EIF2AK1: variants seen among roughly 807,000 people sequenced by gnomAD.
The protein encoded by EIF2AK1 is eukaryotic translation initiation factor 2-alpha kinase 1.
EIF2AK1 carries 54 observed loss-of-function variants against 77.9 expected under a neutral mutation model. That is an observed-to-expected ratio of 0.69 (90% CI 0.56 to 0.87). EIF2AK1 has a LOEUF of 0.87. Ranked by LOEUF, EIF2AK1 falls within the 40% of genes least tolerant of loss-of-function variation. The pLI, the probability that EIF2AK1 is intolerant of heterozygous loss-of-function variation, is 0.00. For missense variants in EIF2AK1, 810 were observed against 768.6 expected, an observed-to-expected ratio of 1.05 and a Z score of -0.64; for synonymous variants, 314 against 290.5, an observed-to-expected ratio of 1.08 and a Z score of -0.82.
rs989620659 is a variant in EIF2AK1 at position 6,024,682 on chromosome 7, G to A, written c.1884C>T (p.Gly628=). Reference sequence around the variant, plus strand: ...AAAGTTAAGTCCACTTTCATCCCACGCCCCCATCCTTTCCGTCATCCCTCA... The same window carrying A: ...AAAGTTAAGTCCACTTTCATCCCACACCCCCATCCTTTCCGTCATCCCTCA... ...KGVRDDGKDG[G]VG The change falls in exon 15 of 15, where the codon GGC becomes GGT. Residue 628 remains glycine, a synonymous_variant. Coordinates refer to ENST00000199389, the MANE Select transcript of EIF2AK1 (RefSeq NM_014413.4). 12 of 1,613,088 alleles carry A rather than the reference G, an allele frequency of 7.4e-6. No homozygotes were observed. Among genetic ancestry groups the A allele is most frequent in the South Asian group, 2.2e-5 (2 of 90,952 alleles).
chr7:6,026,633 C>T, intron 14 of EIF2AK1, 95 bp downstream of exon 14: 2 of 980,190 alleles, frequency 2.0e-6, no homozygotes, highest in African/African-American at 1.6e-5. Context: ...TCTTCCAGCC[C>T]CAGCCTCCGG....
chr7:6,024,551 C>A lies in EIF2AK1; in HGVS notation c.*122G>T, dbSNP rs1335013492. The stretch of plus-strand genomic sequence containing the variant: ...GGAAGGAACGGCAGCTTGGGGCACT[C>A]TGACATCTTTAACAAGTCTTGTAAA... On this transcript the variant is annotated 3_prime_UTR_variant, in exon 15 of 15. Transcript: ENST00000199389. 1.3e-6 allele frequency: 2 copies of A among 1,514,612 alleles called. No individual in the cohort carries two copies. The highest frequency in any genetic ancestry group is 2.8e-5 in the African/African-American group (2 of 70,910). The allele number at this position is 1,514,612 out of a possible 1,614,324, so 93.8% of individuals were successfully genotyped here.
intron 13 of EIF2AK1, chr7:6,028,017 G>T (rs1180005650): frequency 2.2e-6 from 1 of 451,422 alleles, no homozygotes; most frequent in Non-Finnish European, 4.4e-6. Flanking sequence ...GAGCTATGAT[G>T]ACACCACTGC....
At position 6,054,657 on chromosome 7, in the gene EIF2AK1, G is replaced by C; in HGVS notation, c.166C>G (p.Gln56Glu). 6.2e-7 allele frequency: 1 copy of C among 1,614,190 alleles called. No homozygotes were observed. Residue 56 changes from glutamine to glutamate, a missense_variant, in exon 2 of 15, where the codon CAG becomes GAG. Transcript: ENST00000199389. Reference sequence around the variant, plus strand: ...GCAACTGCAAAAGGGAAGGTTGGCTGTTGTAGGGGTTCTTTTAACACCTGG... The same window carrying C: ...GCAACTGCAAAAGGGAAGGTTGGCTCTTGTAGGGGTTCTTTTAACACCTGG... ...EIQVLKEPLQQPTFPFAVANQ... is the reference protein window; with the variant it reads ...EIQVLKEPLQEPTFPFAVANQ...
Position 6,035,918 on chromosome 7 carries a change from G to T in EIF2AK1, c.1332+1506C>A. 6.5e-7 allele frequency: 1 copy of T among 1,547,292 alleles called. No individual in the cohort carries two copies. Among genetic ancestry groups the T allele is most frequent in the Non-Finnish European group, 8.7e-7 (1 of 1,144,910 alleles). ...GGGCGGGGGTCAGCTGCATCCGTCT[G>T]CTACTCACTCACGGAGCCAAAGTCA... On this transcript the variant is annotated intron_variant, in intron 11 of 14. Coordinates refer to ENST00000199389, the MANE Select transcript of EIF2AK1 (RefSeq NM_014413.4). This position sits in a 1 kb window ranked among gnomAD's most constrained non-coding sequence, Gnocchi z 5.5.
Position 6,032,784 on chromosome 7 carries a change from CA to C in EIF2AK1, c.1333-3753del. On this transcript the variant is annotated intron_variant, in intron 11 of 14. Transcript: ENST00000199389. The surrounding 1 kb of genome is among the most constrained non-coding windows in gnomAD (Gnocchi z 4.3). ...CTTTGAAACGGCAAGCTAACACAAA[CA>C]GTATTTTTAACTACACAGGGCCACT... 7.1e-7 allele frequency: 1 copy of C among 1,402,494 alleles called. No homozygotes were observed. Among genetic ancestry groups the C allele is most frequent in the Non-Finnish European group, 9.8e-7 (1 of 1,016,990 alleles). 86.9% of individuals were successfully genotyped at this position (1,402,494 alleles called of 1,614,324 possible).
chr7:6,032,462 C>T lies in EIF2AK1; in HGVS notation c.1333-3430G>A, dbSNP rs111446081. Among the ~76,000 whole-genome samples the T allele has an allele frequency of 9.6e-3, 1,456 of 152,288 alleles. 30 individuals are homozygous for T. The highest frequency in any genetic ancestry group is 0.033 in the African/African-American group (1,364 of 41,550). On this transcript the variant is annotated intron_variant, in intron 11 of 14. Transcript: ENST00000199389. This position sits in a 1 kb window ranked among gnomAD's most constrained non-coding sequence, Gnocchi z 4.3. The stretch of plus-strand genomic sequence containing the variant: ...ACTGCTGATAATACGACTTTGGCAA[C>T]GACACAGCACCTACTTGTCCATCAC...
intron 11 of EIF2AK1, chr7:6,031,640 A>G (rs1787916254): frequency 1.3e-6 from 2 of 1,530,986 alleles, no homozygotes; most frequent in Non-Finnish European, 1.8e-6. Flanking sequence ...CAGGCTGCTT[A>G]GAAAGAAGCA....
chr7:6,058,027 T>A (rs76480166), intron 1 of EIF2AK1: 1 of 399,450 alleles, frequency 2.5e-6, no homozygotes, highest in East Asian at 7.4e-5. Flanking sequence ...GTGGACTCTT[T>A]CACCTAGTTA....
Position 6,024,373 on chromosome 7 carries a change from C to T in EIF2AK1, c.*300G>A, listed in dbSNP as rs954063327. ...GGCAGGGAGCACACATCAATTTCTG[C>T]GGTACCTTCTAGAGGAAGACCAGAC... is the stretch of plus-strand genomic sequence containing the variant. On this transcript the variant is annotated 3_prime_UTR_variant, in exon 15 of 15. Coordinates refer to ENST00000199389, the MANE Select transcript of EIF2AK1 (RefSeq NM_014413.4). 8.0e-6 allele frequency: 8 copies of T among 1,005,438 alleles called. No homozygotes were observed. In the African/African-American group the frequency reaches 9.2e-5, roughly 12 times the overall value. 62.3% of individuals were successfully genotyped at this position (1,005,438 alleles called of 1,614,324 possible). A position where few individuals can be genotyped will look rare whatever the true frequency, so the allele number is the denominator to read the frequency against.
At chr7:6,026,353 C>G (rs1787745277) in intron 14 of EIF2AK1, 2 of 444,868 alleles carry the variant, frequency 4.5e-6, no homozygotes, top group Non-Finnish European at 9.2e-6. Flanking sequence ...AAGGCCTAGC[C>G]ATGAGAAGGT....
Position 6,026,896 on chromosome 7 carries a change from C to G in EIF2AK1, c.1596G>C (p.Glu532Asp). Reference protein sequence around the residue: ...ELFQPFGTEMERAEVLTGLRT... With the variant: ...ELFQPFGTEMDRAEVLTGLRT... ...TTAAACCTGTTAGAACTTCTGCTCG[C>G]TCCATTTCTGTTCCAAACGGCTGAA... Residue 532 changes from glutamate to aspartate, a missense_variant, in exon 14 of 15, where the codon GAG (glutamate) becomes GAC (aspartate). By Grantham distance (45) the Glu-to-Asp change is conservative. This residue lies in a region of EIF2AK1 where 549 missense variants were observed against 533.7 expected (regional missense o/e 1.03). Coordinates refer to ENST00000199389, the MANE Select transcript of EIF2AK1 (RefSeq NM_014413.4). 1 of 1,614,170 alleles carries G rather than the reference C, an allele frequency of 6.2e-7. No individual in the cohort carries two copies.
Position 6,032,898 on chromosome 7 carries a change from G to C in EIF2AK1, c.1333-3866C>G. On this transcript the variant is annotated intron_variant, in intron 11 of 14. Coordinates refer to ENST00000199389, the MANE Select transcript of EIF2AK1 (RefSeq NM_014413.4). This position sits in a 1 kb window ranked among gnomAD's most constrained non-coding sequence, Gnocchi z 4.3. ...CCAAGTACCACAAGGCCCAGAGTCT[G>C]CTCTGCCTGTTACGGCACGGTGCTG... 1 of 1,550,958 alleles carries C rather than the reference G, an allele frequency of 6.4e-7. No individual in the cohort carries two copies. The highest frequency in any genetic ancestry group is 1.2e-5 in the South Asian group (1 of 84,048).
rs1562737150 is a variant in EIF2AK1, at chr7:6,023,907, AC to A, written c.*765del. ...GTGATGACTGCCAACTCCATGGCAG[AC>A]CCTTTCTGGGATTCAAAAACCAATT... On this transcript the variant is annotated 3_prime_UTR_variant, in exon 15 of 15. Coordinates refer to ENST00000199389, the MANE Select transcript of EIF2AK1 (RefSeq NM_014413.4). 2.1e-5 allele frequency: 31 copies of A among 1,495,652 alleles called. No homozygotes were observed. The highest frequency in any genetic ancestry group is 2.7e-5 in the Non-Finnish European group (30 of 1,119,558). The allele number at this position is 1,495,652 out of a possible 1,614,324, so 92.6% of individuals were successfully genotyped here.
chr7:6,046,262 A>G (rs573226964), intron 5 of EIF2AK1, 111 bp from the exon 6 acceptor site: 2 of 537,024 alleles, frequency 3.7e-6, no homozygotes, highest in South Asian at 6.0e-5. Flanking sequence ...GAGGTAAAAT[A>G]TAGCTAAAGA....
chr7:6,031,665 T>G, intron 11 of EIF2AK1: 4 of 1,448,070 alleles, frequency 2.8e-6, no homozygotes, highest in Non-Finnish European at 3.8e-6. Flanking sequence ...CTAAAGCTGG[T>G]GAACCCACTA....
chr7:6,029,462 C>T (rs746916765), intron 11 of EIF2AK1, among the ~76,000 whole-genome samples: 26 of 151,686 alleles, frequency 1.7e-4, no homozygotes, highest in Non-Finnish European at 2.8e-4. Flanking sequence ...CATTGCACTC[C>T]AGCCTGGGCA....
intron 14 of EIF2AK1, 58 bp from the exon 15 acceptor site, chr7:6,024,859 G>C: frequency 3.6e-6 from 4 of 1,125,324 alleles, no homozygotes; most frequent in Non-Finnish European, 4.8e-6. Context: ...TTTTTTTTGA[G>C]ACAGAGTCTC....
At chr7:6,058,761 C>A (rs1375800027) in intron 1 of EIF2AK1, among the ~76,000 whole-genome samples, 1 of 152,232 alleles carries the variant, frequency 6.6e-6, no homozygotes, top group Non-Finnish European at 1.5e-5. Flanking sequence ...GAGGGAGAGG[C>A]AGACGTTCTT....
Sources: gnomAD v4.1 joint callset for allele counts (sites outside exome capture counted in the v4.1 genomes callset) on GRCh38, gnomAD v4.1.1 for gene constraint, gnomAD v4.1.1 regional missense constraint, Gnocchi (gnomAD v3.1) non-coding constraint, MANE v1.5 for transcripts, NCBI Gene and HGNC (gene_info 2026-07-23, HGNC 2026-07-21) for gene names.